CCDC126: variants seen among roughly 807,000 people sequenced by gnomAD.
The protein encoded by CCDC126 is coiled-coil domain containing 126.
A neutral mutation model predicts 11.7 loss-of-function variants in CCDC126; 5 were observed. The observed-to-expected ratio is 0.43, with a 90% CI of 0.22 to 0.90. The LOEUF (loss-of-function observed/expected upper bound fraction) is 0.90, where lower values mean the gene tolerates loss of function less well. Among genes scored for constraint, CCDC126 ranks in the 40% least tolerant of loss-of-function variants. CCDC126 has a pLI of 0.27. For missense variants in CCDC126, 150 were observed against 163.1 expected (o/e 0.92, Z 0.44); for synonymous variants, 60 against 61.9 (o/e 0.97, Z 0.14).
intron 2 of CCDC126, among the ~76,000 whole-genome samples, chr7:23,599,188 C>T (rs1358120835): frequency 6.6e-6 from 1 of 152,192 alleles, no homozygotes; most frequent in African/African-American, 2.4e-5. Context: ...TCTCTTTCTC[C>T]CTACTCTGTA....
chr7:23,614,568 T>C (rs114118837), intron 3 of CCDC126, among the ~76,000 whole-genome samples: 2,758 of 152,294 alleles, frequency 0.018, 100 homozygotes, highest in African/African-American at 0.063. Flanking sequence ...GTGAATCCTT[T>C]CCAGAAGGCT....
At chr7:23,625,649 ATTTTTTTTTTTT>A in intron 3 of CCDC126, among the ~76,000 whole-genome samples, 1 of 77,142 alleles carries the variant, frequency 1.3e-5, no homozygotes, top group African/African-American at 5.6e-5. Context: ...TATTTGACTG[ATTTTTTTTTTTT>A]TTTTTTTTTT....
intron 3 of CCDC126, among the ~76,000 whole-genome samples, chr7:23,639,406 G>T (rs1427380752): frequency 1.3e-5 from 2 of 152,056 alleles, no homozygotes; most frequent in African/African-American, 4.8e-5. Context: ...TGTTGGCCAT[G>T]GTGGCCAGGC....
intron 3 of CCDC126, among the ~76,000 whole-genome samples, chr7:23,618,790 T>G (rs1782839597): frequency 1.3e-5 from 2 of 151,898 alleles, no homozygotes; most frequent in Admixed American, 1.3e-4. Flanking sequence ...CCTGACCTCA[T>G]GTGATCCACC....
chr7:23,614,575 G>C (rs1235070245), intron 3 of CCDC126, among the ~76,000 whole-genome samples: 4 of 152,078 alleles, frequency 2.6e-5, no homozygotes, highest in Admixed American at 6.5e-5. Flanking sequence ...CTTTCCAGAA[G>C]GCTTTCAGTT....
chr7:23,601,312 G>A (rs1008509931), intron 2 of CCDC126, among the ~76,000 whole-genome samples: 1 of 152,170 alleles, frequency 6.6e-6, no homozygotes, highest in Admixed American at 6.5e-5. Flanking sequence ...GGCCTCTTCA[G>A]TCTGGGAGAT....
rs141289817 is a variant in CCDC126 at position 23,606,207 on chromosome 7, C to T, written c.-145-4964C>T. Among the ~76,000 whole-genome samples the T allele has an allele frequency of 9.0e-3, 1,369 of 152,044 alleles. 47 individuals are homozygous for T. Among genetic ancestry groups the T allele is most frequent in the Admixed American group, 0.059 (896 of 15,246 alleles). Reference sequence around the variant, plus strand: ...CCAAGTAGCTGGGACTACAGGTGCCCGCCACCACACCCAGCTAATTTTTTG... The same window carrying T: ...CCAAGTAGCTGGGACTACAGGTGCCTGCCACCACACCCAGCTAATTTTTTG... On this transcript the variant is annotated intron_variant, in intron 2 of 3. Transcript: ENST00000307471.
rs148592753 is a variant in CCDC126 at position 23,640,753 on chromosome 7, G to C, written c.239-2178G>C. Among the ~76,000 whole-genome samples, 24 of 152,192 alleles carry C rather than the reference G, an allele frequency of 1.6e-4. 2 individuals are homozygous for C. The highest frequency in any genetic ancestry group is 3.9e-4 in the African/African-American group (16 of 41,514). ...TTGTACAATATTTGATTTGATTGAT[G>C]TCTGGCTTATTTCACTTAGCATAAC... On this transcript the variant is annotated intron_variant, in intron 3 of 3. Coordinates refer to ENST00000307471, the MANE Select transcript of CCDC126 (RefSeq NM_138771.4).
At chr7:23,614,614 C>A (rs1782766948) in intron 3 of CCDC126, among the ~76,000 whole-genome samples, 1 of 152,124 alleles carries the variant, frequency 6.6e-6, no homozygotes, top group Non-Finnish European at 1.5e-5. Context: ...CAGCTCTGGC[C>A]TTATGGAATG....
chr7:23,607,031 C>G (rs115521346), intron 2 of CCDC126, among the ~76,000 whole-genome samples: 2,750 of 152,072 alleles, frequency 0.018, 100 homozygotes, highest in African/African-American at 0.063. Flanking sequence ...CCCGGAAGGC[C>G]GAGGCTGCAG....
intron 3 of CCDC126, among the ~76,000 whole-genome samples, chr7:23,614,692 T>C (rs539520008): frequency 1.6e-4 from 24 of 152,326 alleles, no homozygotes; most frequent in Admixed American, 2.6e-4. Flanking sequence ...GAATGGATGT[T>C]GTGTTAGCAG....
chr7:23,633,279 A>G (rs1411013702), intron 3 of CCDC126, among the ~76,000 whole-genome samples: 1 of 152,198 alleles, frequency 6.6e-6, no homozygotes, highest in Non-Finnish European at 1.5e-5. Flanking sequence ...GGCGTGAGCC[A>G]CTGTGCCCGG....
chr7:23,626,316 G>T (rs1783015241), intron 3 of CCDC126, among the ~76,000 whole-genome samples: 1 of 151,966 alleles, frequency 6.6e-6, no homozygotes, highest in African/African-American at 2.4e-5. Context: ...ATTATAATAA[G>T]ATTAGAATTC....
intron 2 of CCDC126, among the ~76,000 whole-genome samples, chr7:23,599,332 C>T (rs1261744900): frequency 6.6e-6 from 1 of 152,106 alleles, no homozygotes; most frequent in Non-Finnish European, 1.5e-5. Context: ...CTGGTTTTCC[C>T]TGGGGCCTCT....
intron 3 of CCDC126, among the ~76,000 whole-genome samples, chr7:23,636,778 G>T (rs1408710129): frequency 6.5e-5 from 9 of 138,306 alleles, no homozygotes; most frequent in Non-Finnish European, 1.1e-4. Context: ...GTGGGGGGGG[G>T]GTCAGCCCCC....
chr7:23,631,412 A>G (rs78007239), intron 3 of CCDC126, among the ~76,000 whole-genome samples: 3,316 of 152,282 alleles, frequency 0.022, 117 homozygotes, highest in African/African-American at 0.075. Context: ...CAATTTCTCA[A>G]AAAACAAATT....
chr7:23,617,865 G>A (rs537500842), intron 3 of CCDC126, among the ~76,000 whole-genome samples: 13 of 152,262 alleles, frequency 8.5e-5, no homozygotes, highest in South Asian at 8.3e-4. Flanking sequence ...TGAATTTGTG[G>A]ATGCAGAACC....
chr7:23,636,290 G>A (rs1239612671), intron 3 of CCDC126, among the ~76,000 whole-genome samples: 5 of 151,880 alleles, frequency 3.3e-5, no homozygotes, highest in African/African-American at 9.7e-5. Context: ...CACCCCGTCT[G>A]GGAAGTGAGG....
chr7:23,633,838 A>G (rs1419280163), intron 3 of CCDC126, among the ~76,000 whole-genome samples: 2 of 152,206 alleles, frequency 1.3e-5, no homozygotes, highest in African/African-American at 2.4e-5. Flanking sequence ...GGGCAGGGAC[A>G]GAGTGAGACC....
Sources: gnomAD v4.1 joint callset for allele counts (sites outside exome capture counted in the v4.1 genomes callset) on GRCh38, gnomAD v4.1.1 for gene constraint, MANE v1.5 for transcripts, NCBI Gene and HGNC (gene_info 2026-07-23, HGNC 2026-07-21) for gene names.